Variants in KCNAB1 observed in about 807,000 individuals in gnomAD.
The protein encoded by KCNAB1 is voltage-gated potassium channel subunit beta-1.
Under a neutral mutation model 64.6 loss-of-function variants are expected in KCNAB1, and 35 were observed. The observed-to-expected ratio is 0.54, with a 90% confidence interval of 0.41 to 0.72. KCNAB1 has a LOEUF of 0.72. Ranked by LOEUF, KCNAB1 falls within the 30% of genes least tolerant of loss-of-function variation. The pLI is 0.00. For synonymous variants in KCNAB1, 177 were observed against 183.8 expected (o/e 0.96, Z 0.30); for missense variants, 401 against 512.9 (o/e 0.78, Z 2.11).
chr3:156,474,997 G>A (rs769723398), intron 8 of KCNAB1, among the ~76,000 whole-genome samples, 177 bp downstream of exon 8: 1 of 152,126 alleles, frequency 6.6e-6, no homozygotes, highest in Non-Finnish European at 1.5e-5. Flanking sequence ...AATGCTCTGC[G>A]TGCTGCGTCT....
intron 1 of KCNAB1, among the ~76,000 whole-genome samples, chr3:156,358,436 G>A (rs540256095): frequency 6.6e-6 from 1 of 152,240 alleles, no homozygotes; most frequent in South Asian, 2.1e-4. Flanking sequence ...CAGAGCAGGA[G>A]CCCAGAGGAA....
intron 1 of KCNAB1, among the ~76,000 whole-genome samples, chr3:156,271,052 A>G (rs901140196): frequency 8.5e-5 from 13 of 152,220 alleles, no homozygotes; most frequent in Admixed American, 8.5e-4. Flanking sequence ...GTGTGCTGCT[A>G]GACATATTGG....
In KCNAB1 at chr3:156,281,114, C is replaced by A. The variant is rs1197606246; in HGVS notation, c.276-140502C>A. On this transcript the variant is annotated intron_variant, in intron 1 of 13. Coordinates refer to ENST00000490337, the MANE Select transcript of KCNAB1 (RefSeq NM_172160.3). ...TTGGCTGTGGGTTTGTCATAGATAG[C>A]TCTTATTATTTTGAAATATGTCCCA... Among the ~76,000 whole-genome samples the A allele has an allele frequency of 8.1e-4, 121 of 149,896 alleles. 1 individual carries two copies. In the Middle Eastern group the frequency reaches 0.014, roughly 17 times the overall value.
chr3:156,331,779 T>C (rs1723349160), intron 1 of KCNAB1, among the ~76,000 whole-genome samples: 1 of 152,198 alleles, frequency 6.6e-6, no homozygotes, highest in Non-Finnish European at 1.5e-5. Context: ...CTACTTGTCC[T>C]TGAAATCCAG....
rs146355589 is a variant in KCNAB1 at position 156,297,759 on chromosome 3, CGT to C, written c.276-123843_276-123842del. Among the ~76,000 whole-genome samples, 18 of 150,760 alleles carry C rather than the reference CGT, an allele frequency of 1.2e-4. No individual in the cohort carries two copies. In the South Asian group the frequency reaches 1.3e-3, roughly 11 times the overall value. On this transcript the variant is annotated intron_variant, in intron 1 of 13. Transcript: ENST00000490337. The stretch of plus-strand genomic sequence containing the variant: ...CCAATTATGTAAAAGGCACTTAGCG[CGT>C]GTGTGTGTGTGTGCGCGTGTGCTCG...
chr3:156,484,951 T>G (rs979428208), intron 8 of KCNAB1, among the ~76,000 whole-genome samples: 1 of 152,116 alleles, frequency 6.6e-6, no homozygotes, highest in East Asian at 1.9e-4. Flanking sequence ...GCTTCTCAGT[T>G]TTTCATTTGT....
intron 1 of KCNAB1, among the ~76,000 whole-genome samples, chr3:156,340,157 A>G (rs1203882086): frequency 1.3e-5 from 2 of 152,162 alleles, no homozygotes; most frequent in East Asian, 3.8e-4. Flanking sequence ...CCTGGATATC[A>G]GCCCTACCCC....
At chr3:156,465,608 C>G (rs1384750666) in intron 6 of KCNAB1, 35 bp from the exon 7 acceptor site, 3 of 1,590,832 alleles carry the variant, frequency 1.9e-6, no homozygotes, top group Middle Eastern at 1.7e-4. Flanking sequence ...AAAGCACACT[C>G]TCATTCAAAG....
At chr3:156,178,566 T>TTC (rs1712552300) in intron 1 of KCNAB1, among the ~76,000 whole-genome samples, 1 of 152,032 alleles carries the variant, frequency 6.6e-6, no homozygotes, top group Non-Finnish European at 1.5e-5. Context: ...ATTAAGAGTC[T>TTC]ATTGGATTGG....
chr3:156,183,911 C>T (rs374968649), intron 1 of KCNAB1, among the ~76,000 whole-genome samples: 1 of 152,296 alleles, frequency 6.6e-6, no homozygotes, highest in African/African-American at 2.4e-5. Context: ...TTACAGAATA[C>T]GTGATCTTCA....
intron 7 of KCNAB1, among the ~76,000 whole-genome samples, chr3:156,472,015 G>A (rs11925535): frequency 0.6 from 91,519 of 151,926 alleles, 29,611 homozygotes; most frequent in African/African-American, 0.85. Flanking sequence ...CCTGTGCCTC[G>A]CCTCCTCTGA....
At chr3:156,327,834 T>G (rs1723074789) in intron 1 of KCNAB1, among the ~76,000 whole-genome samples, 4 of 152,118 alleles carry the variant, frequency 2.6e-5, no homozygotes, top group Admixed American at 2.6e-4. Context: ...GTGGCTTTCT[T>G]CATTCCTGCT....
intron 1 of KCNAB1, among the ~76,000 whole-genome samples, chr3:156,357,735 TATC>T (rs1240939027): frequency 2.6e-5 from 4 of 151,242 alleles, no homozygotes; most frequent in African/African-American, 9.7e-5. Context: ...TGTAATCATA[TATC>T]ATGATTCAGA....
chr3:156,176,913 GC>G, intron 1 of KCNAB1: 1 of 1,024,382 alleles, frequency 9.8e-7, no homozygotes, highest in Non-Finnish European at 1.5e-6. Flanking sequence ...TTCTATCATG[GC>G]GGCAACCGGA....
At chr3:156,417,821 CA>C in intron 1 of KCNAB1, among the ~76,000 whole-genome samples, 1 of 152,146 alleles carries the variant, frequency 6.6e-6, no homozygotes, top group East Asian at 1.9e-4. Context: ...TAAGGTCAGC[CA>C]TGTATTCACC....
chr3:156,338,330 T>TTTTTTTTTTTTTTTTC (rs1723871417), intron 1 of KCNAB1, among the ~76,000 whole-genome samples: 1 of 125,950 alleles, frequency 7.9e-6, no homozygotes, highest in Non-Finnish European at 1.7e-5. Flanking sequence ...TTTTTTTTTT[T>TTTTTTTTTTTTTTTTC]ACAGAGTTTA....
At chr3:156,172,234 T>A (rs1175577702) in intron 1 of KCNAB1, among the ~76,000 whole-genome samples, 9 of 151,846 alleles carry the variant, frequency 5.9e-5, no homozygotes, top group Non-Finnish European at 1.3e-4. Flanking sequence ...GACAGCAGAG[T>A]TTCATAACAG....
chr3:156,228,684 G>A (rs1395606959), intron 1 of KCNAB1, among the ~76,000 whole-genome samples: 1 of 152,180 alleles, frequency 6.6e-6, no homozygotes, highest in Admixed American at 6.5e-5. Context: ...GCTTGTTCAG[G>A]TTGAGTTCCA....
intron 1 of KCNAB1, among the ~76,000 whole-genome samples, chr3:156,312,703 C>CAAAAAAAAAAAAAAAAAAAAAAAAAA (rs397991453): frequency 3.6e-5 from 1 of 27,408 alleles, no homozygotes; most frequent in African/African-American, 1.2e-4. Context: ...AGACTGTCTC[C>CAAAAAAAAAAAAAAAAAAAAAAAAAA]AAAAAAAAAA....
Sources: allele counts gnomAD v4.1 joint callset (sites outside exome capture counted in the v4.1 genomes callset), GRCh38; gene constraint gnomAD v4.1.1; transcripts MANE v1.5; gene names NCBI Gene and HGNC (gene_info 2026-07-23, HGNC 2026-07-21).